GRID1: variants seen among roughly 807,000 people sequenced by gnomAD.
GRID1 encodes the protein glutamate ionotropic receptor delta type subunit 1, also known as glutamate receptor ionotropic, delta-1.
GRID1 carries 28 observed loss-of-function variants against 98.0 expected under a neutral mutation model. The ratio of observed to expected loss-of-function variants is 0.29; its 90% CI spans 0.21 to 0.39. The LOEUF (loss-of-function observed/expected upper bound fraction) is 0.39. Ranked by LOEUF, GRID1 falls within the 10% of genes least tolerant of loss-of-function variation. GRID1 has a pLI of 1.00. For synonymous variants in GRID1, 553 were observed against 538.5 expected (o/e 1.03, Z -0.37); for missense variants, 1,111 against 1,340.5 (o/e 0.83, Z 2.67).
At chr10:86,244,380 G>A (rs1396085219) in intron 2 of GRID1, among the ~76,000 whole-genome samples, 2 of 152,180 alleles carry the variant, frequency 1.3e-5, no homozygotes, top group African/African-American at 4.8e-5. Context: ...CCAGGCAGGC[G>A]CCAGAACAGG....
intron 3 of GRID1, among the ~76,000 whole-genome samples, chr10:86,205,449 T>C (rs1049772188): frequency 4.6e-5 from 7 of 152,154 alleles, no homozygotes; most frequent in African/African-American, 1.7e-4. Context: ...ATGTGATTTT[T>C]AAAATGCATA....
chr10:85,909,020 CA>C (rs1841500137), intron 5 of GRID1, among the ~76,000 whole-genome samples: 1 of 152,070 alleles, frequency 6.6e-6, no homozygotes, highest in Admixed American at 6.5e-5. Flanking sequence ...AAAATATTTA[CA>C]AAGTATATAT....
intron 4 of GRID1, among the ~76,000 whole-genome samples, chr10:86,098,193 G>T (rs1000211042): frequency 1.3e-5 from 2 of 152,120 alleles, no homozygotes; most frequent in East Asian, 1.9e-4. Context: ...ACTATTAAAA[G>T]GATGATCTTA....
intron 8 of GRID1, among the ~76,000 whole-genome samples, chr10:85,732,044 G>A (rs1443500308): frequency 1.3e-5 from 2 of 152,180 alleles, no homozygotes; most frequent in African/African-American, 4.8e-5. Flanking sequence ...TCAGAGGGAA[G>A]AGGACAAATT....
intron 6 of GRID1, among the ~76,000 whole-genome samples, chr10:85,861,116 C>G (rs190416442): frequency 6.9e-4 from 105 of 152,306 alleles, no homozygotes; most frequent in African/African-American, 2.3e-3. Context: ...CTGGGGTCAG[C>G]ACCAGTCTGG....
intron 8 of GRID1, among the ~76,000 whole-genome samples, chr10:85,827,098 G>T (rs1412901553): frequency 1.3e-5 from 2 of 152,174 alleles, no homozygotes; most frequent in Admixed American, 6.5e-5. Context: ...GACTGCACTG[G>T]TTCGCCAGCA....
At chr10:85,937,155 C>A (rs533288185) in intron 4 of GRID1, among the ~76,000 whole-genome samples, 1 of 152,332 alleles carries the variant, frequency 6.6e-6, no homozygotes, top group South Asian at 2.1e-4. Context: ...AGTGTCCAGG[C>A]CTCATCCCAA....
rs1342754070 is a variant in GRID1 at position 85,737,673 on chromosome 10, T to TATATATATATATATATATATATAA, written c.1234-8060_1234-8059insTTATATATATATATATATATATAT. ...ATATATATATATATATATATATATATAAACATATATGGTTATATATATATA... is the reference window on the plus strand; with the variant it reads ...ATATATATATATATATATATATATATATATATATATATATATATATATAAAAACATATATGGTTATATATATATA... On this transcript the variant is annotated intron_variant, in intron 8 of 15. Transcript: ENST00000327946. 3.4e-3 allele frequency among the ~76,000 whole-genome samples: 386 copies of TATATATATATATATATATATATAA among 112,794 alleles called. 13 individuals carry two copies. The highest frequency in any genetic ancestry group is 0.011 in the Middle Eastern group (2 of 176). The allele number at this position is 112,794 out of a possible 152,430, so 74.0% of individuals were successfully genotyped here. A position where few individuals can be genotyped will look rare whatever the true frequency, so the allele number is the denominator to read the frequency against.
intron 4 of GRID1, among the ~76,000 whole-genome samples, chr10:85,932,952 A>G (rs1434540251): frequency 6.6e-6 from 1 of 152,186 alleles, no homozygotes; most frequent in Non-Finnish European, 1.5e-5. Context: ...CTTATATAGA[A>G]CTTGCTATGG....
chr10:86,045,191 T>G (rs1175988871), intron 4 of GRID1, among the ~76,000 whole-genome samples: 1 of 152,218 alleles, frequency 6.6e-6, no homozygotes, highest in East Asian at 1.9e-4. Flanking sequence ...CAGTTTCACA[T>G]GAGGAAACTG....
At chr10:85,941,757 GCAT>G (rs1396408996) in intron 4 of GRID1, among the ~76,000 whole-genome samples, 2 of 152,162 alleles carry the variant, frequency 1.3e-5, no homozygotes, top group Non-Finnish European at 2.9e-5. Flanking sequence ...GCAAAAGAGG[GCAT>G]CTTTAGTTTT....
intron 2 of GRID1, among the ~76,000 whole-genome samples, chr10:86,214,125 C>G (rs1846143557): frequency 6.6e-6 from 1 of 152,166 alleles, no homozygotes; most frequent in Non-Finnish European, 1.5e-5. Context: ...AAGCACCAAC[C>G]AGACAGTGCT....
At chr10:85,871,876 C>T (rs528863865) in intron 5 of GRID1, among the ~76,000 whole-genome samples, 1 of 152,280 alleles carries the variant, frequency 6.6e-6, no homozygotes, top group Admixed American at 6.5e-5. Flanking sequence ...TTCAAAAGAA[C>T]TCAAATGCTA....
chr10:85,904,853 T>C (rs1056772525), intron 5 of GRID1, among the ~76,000 whole-genome samples: 2 of 152,034 alleles, frequency 1.3e-5, no homozygotes, highest in Non-Finnish European at 2.9e-5. Flanking sequence ...CAGTGACGTG[T>C]GGGATAACTT....
At chr10:85,619,825 G>A in intron 14 of GRID1, 42 bp downstream of exon 14, 1 of 1,509,956 alleles carries the variant, frequency 6.6e-7, no homozygotes, top group Non-Finnish European at 9.2e-7. Flanking sequence ...TTGACCACTA[G>A]AGTCCTGAGG....
chr10:86,005,937 G>A (rs1471092195), intron 4 of GRID1, among the ~76,000 whole-genome samples: 3 of 152,136 alleles, frequency 2.0e-5, no homozygotes, highest in Non-Finnish European at 4.4e-5. Context: ...ATACTTATCT[G>A]TATATTTAAT....
At chr10:86,033,476 G>A (rs1342577548) in intron 4 of GRID1, among the ~76,000 whole-genome samples, 1 of 151,798 alleles carries the variant, frequency 6.6e-6, no homozygotes, top group Non-Finnish European at 1.5e-5. Flanking sequence ...AGGTGTAGAT[G>A]AGATAAGAAG....
At chr10:85,727,715 G>C (rs948621731) in intron 10 of GRID1, 140 bp downstream of exon 10, 12 of 644,480 alleles carry the variant, frequency 1.9e-5, no homozygotes, top group Middle Eastern at 4.2e-4. Context: ...GAAGACAAAA[G>C]AGCCTTTGTG....
Position 85,601,931 on chromosome 10 carries a change from C to G in GRID1, c.*342G>C, listed in dbSNP as rs553640622. 1.3e-5 allele frequency: 3 copies of G among 225,110 alleles called. No homozygotes were observed. Among genetic ancestry groups the G allele is most frequent in the Middle Eastern group, 1.4e-3 (1 of 722 alleles). The allele number at this position is 225,110 out of a possible 1,614,324, so 13.9% of individuals were successfully genotyped here. ...AGCAGAGAGGGGCTCCTTATCTGGTCGCCCCTCCTGCCCTCAGAAAGGCCC... is the reference window on the plus strand; with the variant it reads ...AGCAGAGAGGGGCTCCTTATCTGGTGGCCCCTCCTGCCCTCAGAAAGGCCC... On this transcript the variant is annotated 3_prime_UTR_variant, in exon 16 of 16. Transcript: ENST00000327946.
Sources: allele counts gnomAD v4.1 joint callset (sites outside exome capture counted in the v4.1 genomes callset), GRCh38; gene constraint gnomAD v4.1.1; transcripts MANE v1.5; gene names NCBI Gene and HGNC (gene_info 2026-07-23, HGNC 2026-07-21).